DCC: variants seen among roughly 807,000 people sequenced by gnomAD.
DCC encodes DCC netrin 1 receptor, also known as netrin receptor DCC.
In DCC, 58 loss-of-function variants were observed where a neutral mutation model predicts 172.5. The ratio of observed to expected loss-of-function variants is 0.34; its 90% CI spans 0.27 to 0.42. The LOEUF (loss-of-function observed/expected upper bound fraction) is 0.42, where lower values mean the gene tolerates loss of function less well. Ranked by LOEUF, DCC falls within the 10% of genes least tolerant of loss-of-function variation. DCC has a pLI of 1.00. For missense variants in DCC, 1,740 were observed against 1,791.0 expected, an observed-to-expected ratio of 0.97 and a Z score of 0.51; for synonymous variants, 709 against 644.5, an observed-to-expected ratio of 1.10 and a Z score of -1.52.
chr18:52,988,528 G>T (rs958201495), intron 5 of DCC, among the ~76,000 whole-genome samples: 4 of 151,922 alleles, frequency 2.6e-5, no homozygotes, highest in African/African-American at 4.8e-5. Flanking sequence ...CTCTTATTCA[G>T]TTTTCTATTG....
rs535382286 is a variant in DCC, at chr18:53,281,476, C to G, written c.1912-24102C>G. Among the ~76,000 whole-genome samples the G allele has an allele frequency of 5.2e-4, 79 of 152,232 alleles. No individual in the cohort carries two copies. The South Asian group carries it at 0.016, about 31-fold the overall frequency. On this transcript the variant is annotated intron_variant, in intron 12 of 28. Transcript: ENST00000442544. ...CTGAGAACTACAGAAGATAAAAATG[C>G]TGAATCAGACGTAGGCCTTGTCCCC...
At chr18:52,593,874 G>A (rs2033853691) in intron 1 of DCC, among the ~76,000 whole-genome samples, 1 of 152,242 alleles carries the variant, frequency 6.6e-6, no homozygotes, top group Non-Finnish European at 1.5e-5. Flanking sequence ...TCTATAGGTA[G>A]TAAGGCACTG....
chr18:53,391,671 T>C lies in DCC; in HGVS notation c.2472T>C (p.Val824=). The C allele has an allele frequency of 6.2e-7, 1 of 1,613,866 alleles. No homozygotes were observed. Among genetic ancestry groups the C allele is most frequent in the Non-Finnish European group, 8.5e-7 (1 of 1,179,748 alleles). ...TRSITDPTDP[V]DYYPLLDDFP... is the part of the protein sequence containing the mutation. ...TAAACCCAGATCCCACTGACCCAGT[T>C]GATTATTATCCTTTGCTTGATGATT... The change falls in exon 17 of 29, where the codon GTT becomes GTC. Residue 824 remains valine (V), a synonymous_variant. Transcript: ENST00000442544.
At chr18:53,082,341 G>A (rs955435983) in intron 7 of DCC, among the ~76,000 whole-genome samples, 1 of 151,812 alleles carries the variant, frequency 6.6e-6, no homozygotes, top group African/African-American at 2.4e-5. Flanking sequence ...ATTTTTCCTG[G>A]GGATTAAAAC....
At chr18:53,342,738 T>G (rs1202864745) in intron 15 of DCC, among the ~76,000 whole-genome samples, 1 of 136,904 alleles carries the variant, frequency 7.3e-6, no homozygotes, top group African/African-American at 2.5e-5. Context: ...CAAATATATA[T>G]ATATATATAT....
chr18:53,467,848 T>C (rs772387540), intron 24 of DCC, 46 bp from the exon 25 acceptor site: 2 of 943,250 alleles, frequency 2.1e-6, no homozygotes, highest in Non-Finnish European at 3.5e-6. Flanking sequence ...GGTAAAGTGT[T>C]GCATCCTTGA....
At chr18:53,274,550 T>C (rs1055840074) in intron 12 of DCC, among the ~76,000 whole-genome samples, 1 of 152,170 alleles carries the variant, frequency 6.6e-6, no homozygotes, top group Non-Finnish European at 1.5e-5. Context: ...ATGTGTCTCA[T>C]GATGCCACTG....
chr18:52,486,036 A>G (rs2030201850), intron 1 of DCC, among the ~76,000 whole-genome samples: 2 of 152,058 alleles, frequency 1.3e-5, no homozygotes, highest in African/African-American at 4.8e-5. Context: ...TTGTTCTGTC[A>G]CTTGACAGAC....
At chr18:53,029,728 G>A (rs2042003020) in intron 5 of DCC, among the ~76,000 whole-genome samples, 1 of 152,074 alleles carries the variant, frequency 6.6e-6, no homozygotes, top group African/African-American at 2.4e-5. Flanking sequence ...ATTTTGAGGG[G>A]CTATTCAGCC....
rs377177386 is a variant in DCC at position 52,986,946 on chromosome 18, C to T, written c.985+61576C>T. Among the ~76,000 whole-genome samples the T allele has an allele frequency of 2.0e-5, 3 of 151,870 alleles. 1 individual carries two copies. Among genetic ancestry groups the T allele is most frequent in the African/African-American group, 2.4e-5 (1 of 41,296 alleles). Reference sequence around the variant, plus strand: ...CAAGTGATTTTCCTGCCTCAGCCTCCCAAGTAGCTGGGATTACAGGCGCAC... The same window carrying T: ...CAAGTGATTTTCCTGCCTCAGCCTCTCAAGTAGCTGGGATTACAGGCGCAC... On this transcript the variant is annotated intron_variant, in intron 5 of 28. Coordinates refer to ENST00000442544, the MANE Select transcript of DCC (RefSeq NM_005215.4).
chr18:53,294,378 A>G (rs1435562857), intron 12 of DCC, among the ~76,000 whole-genome samples: 1 of 152,250 alleles, frequency 6.6e-6, no homozygotes, highest in Admixed American at 6.5e-5. Context: ...TCAAAAAGAC[A>G]GTATCCAGAG....
chr18:52,746,282 C>A (rs888572500), intron 1 of DCC, among the ~76,000 whole-genome samples: 2 of 152,022 alleles, frequency 1.3e-5, no homozygotes, highest in Non-Finnish European at 2.9e-5. Flanking sequence ...CTCTAAGCAC[C>A]CCAAAATGAA....
rs544141150 is a variant in DCC, at chr18:53,189,833, G to A, written c.1573+10717G>A. Among the ~76,000 whole-genome samples, 3 of 152,320 alleles carry A rather than the reference G, an allele frequency of 2.0e-5. 1 individual carries two copies. The highest frequency in any genetic ancestry group is 7.2e-5 in the African/African-American group (3 of 41,576). ...GCCTGTGAGATCTGTTACAGACATT[G>A]ACCACATGCTTGGATTTCTACTGTT... On this transcript the variant is annotated intron_variant, in intron 9 of 28. Coordinates refer to ENST00000442544, the MANE Select transcript of DCC (RefSeq NM_005215.4).
At chr18:52,696,447 G>C (rs1419069743) in intron 1 of DCC, among the ~76,000 whole-genome samples, 1 of 152,222 alleles carries the variant, frequency 6.6e-6, no homozygotes, top group Non-Finnish European at 1.5e-5. Context: ...GAAACAGAAA[G>C]ACCGATCAGT....
At chr18:53,427,122 A>G (rs1911021572) in intron 21 of DCC, among the ~76,000 whole-genome samples, 1 of 152,188 alleles carries the variant, frequency 6.6e-6, no homozygotes, top group Admixed American at 6.6e-5. Flanking sequence ...TTATAAGCCA[A>G]AAAAGATTGT....
chr18:52,747,981 G>T lies in DCC; in HGVS notation c.92-4073G>T, dbSNP rs1018719866. 2.0e-5 allele frequency among the ~76,000 whole-genome samples: 3 copies of T among 152,188 alleles called. No homozygotes were observed. In the South Asian group the frequency reaches 6.2e-4, roughly 31 times the overall value. On this transcript the variant is annotated intron_variant, in intron 1 of 28. Coordinates refer to ENST00000442544, the MANE Select transcript of DCC (RefSeq NM_005215.4). The stretch of plus-strand genomic sequence containing the variant: ...TCCTGCCTGGGCCTCACTGGGTTCC[G>T]AGCTGGCCGCTGAGCTGGTTCTGCC...
intron 7 of DCC, among the ~76,000 whole-genome samples, chr18:53,128,454 C>G (rs1186045388): frequency 1.3e-5 from 2 of 152,014 alleles, no homozygotes; most frequent in Admixed American, 6.6e-5. Flanking sequence ...TTCCTTGCAT[C>G]CATCCTATCC....
intron 5 of DCC, among the ~76,000 whole-genome samples, chr18:52,992,955 G>T (rs559389149): frequency 1.3e-5 from 2 of 150,986 alleles, no homozygotes; most frequent in Non-Finnish European, 2.9e-5. Flanking sequence ...CTACAGCCTG[G>T]GTGACACAGT....
intron 5 of DCC, among the ~76,000 whole-genome samples, chr18:52,948,655 C>T (rs2040587861): frequency 1.3e-5 from 2 of 152,154 alleles, no homozygotes; most frequent in African/African-American, 4.8e-5. Context: ...AACTGAATCC[C>T]TATGGGGCAC....
Sources: gnomAD v4.1 joint callset for allele counts (sites outside exome capture counted in the v4.1 genomes callset) on GRCh38, gnomAD v4.1.1 for gene constraint, MANE v1.5 for transcripts, NCBI Gene and HGNC (gene_info 2026-07-23, HGNC 2026-07-21) for gene names.